PCDHGC5: variants seen among roughly 807,000 people sequenced by gnomAD.
PCDHGC5 encodes the protein protocadherin gamma subfamily C, 5, also known as protocadherin gamma-C5.
PCDHGC5 carries 25 observed loss-of-function variants against 59.0 expected under a neutral mutation model. The ratio of observed to expected loss-of-function variants is 0.42; its 90% CI spans 0.31 to 0.59. PCDHGC5 has a LOEUF of 0.59. Among genes scored for constraint, PCDHGC5 ranks in the 20% least tolerant of loss-of-function variants. PCDHGC5 has a pLI of 0.13. For missense variants in PCDHGC5, 1,067 were observed against 1,206.4 expected (o/e 0.88, Z 1.71); for synonymous variants, 434 against 505.5 (o/e 0.86, Z 1.90).
At chr5:141,495,591 C>G (rs2099762279) in intron 2 of PCDHGC5, among the ~76,000 whole-genome samples, 3 of 152,222 alleles carry the variant, frequency 2.0e-5, no homozygotes, top group African/African-American at 7.2e-5. Context: ...CCATCTCTGT[C>G]TTAGCTTCCG....
intron 3 of PCDHGC5, 61 bp downstream of exon 3, chr5:141,505,542 A>C: frequency 2.6e-5 from 42 of 1,604,950 alleles, no homozygotes; most frequent in Non-Finnish European, 3.2e-5. Flanking sequence ...GGTGCATCTC[A>C]CAGCCACCAT....
chr5:141,497,649 C>T (rs973501351), intron 2 of PCDHGC5, among the ~76,000 whole-genome samples: 1 of 151,784 alleles, frequency 6.6e-6, no homozygotes, highest in Non-Finnish European at 1.5e-5. Context: ...AAGCGATTCT[C>T]CTGCCTCAGC....
rs376494807 is a variant in PCDHGC5 at position 141,491,836 on chromosome 5, G to A, written c.2460+136G>A. 4.2e-5 allele frequency: 62 copies of A among 1,472,880 alleles called. No homozygotes were observed. The highest frequency in any genetic ancestry group is 3.6e-4 in the Middle Eastern group (2 of 5,606). 91.2% of individuals were successfully genotyped at this position (1,472,880 alleles called of 1,614,324 possible). A position where few individuals can be genotyped will look rare whatever the true frequency, so the allele number is the denominator to read the frequency against. On this transcript the variant is annotated intron_variant, in intron 1 of 3. Coordinates refer to ENST00000252087, the MANE Select transcript of PCDHGC5 (RefSeq NM_018929.3). This position sits in a 1 kb window ranked among gnomAD's most constrained non-coding sequence, Gnocchi z 6.9. ...CTGGCTGCGCTCCACCCGATTCTCG[G>A]GATCATTGGACCGTTTGCGCGAAAC...
At chr5:141,499,438 G>A (rs2154592492) in intron 2 of PCDHGC5, among the ~76,000 whole-genome samples, 1 of 152,158 alleles carries the variant, frequency 6.6e-6, no homozygotes, top group Admixed American at 6.5e-5. Context: ...AAAATTAAAA[G>A]GAAAACCACC....
At position 141,490,908 on chromosome 5, in the gene PCDHGC5, C is replaced by A; in HGVS notation, c.1668C>A (p.Asp556Glu). The change falls in exon 1 of 4, where the codon GAC becomes GAA. Residue 556 changes from aspartate (D) to glutamate (E), a missense_variant. Physicochemically the swap from Asp to Glu is conservative, Grantham distance 45. Coordinates refer to ENST00000252087, the MANE Select transcript of PCDHGC5 (RefSeq NM_018929.3). The surrounding 1 kb of genome is among the most constrained non-coding windows in gnomAD (Gnocchi z 5.4). The stretch of plus-strand genomic sequence containing the variant: ...CATCTCTGCATGTGTTTGTCCTAGA[C>A]GAGAATGATAATGCCCCAGCTGTGC... Reference protein sequence around the residue: ...ANTSLHVFVLDENDNAPAVLH... With the variant: ...ANTSLHVFVLEENDNAPAVLH... The A allele has an allele frequency of 6.2e-7, 1 of 1,613,710 alleles. No homozygotes were observed. Among genetic ancestry groups the A allele is most frequent in the Non-Finnish European group, 8.5e-7 (1 of 1,179,754 alleles).
chr5:141,508,540 G>A (rs993826709), intron 3 of PCDHGC5, among the ~76,000 whole-genome samples: 3 of 152,144 alleles, frequency 2.0e-5, no homozygotes, highest in African/African-American at 4.8e-5. Flanking sequence ...CCCCCCACGA[G>A]GTGGGCGGGG....
At chr5:141,504,529 G>A (rs1333393859) in intron 2 of PCDHGC5, among the ~76,000 whole-genome samples, 1 of 151,900 alleles carries the variant, frequency 6.6e-6, no homozygotes, top group African/African-American at 2.4e-5. Context: ...TATTTTATTC[G>A]TGTCATCATG....
chr5:141,490,149 T>C lies in PCDHGC5; in HGVS notation c.909T>C (p.His303=). The C allele has an allele frequency of 1.9e-6, 3 of 1,614,188 alleles. No individual in the cohort carries two copies. The highest frequency in any genetic ancestry group is 2.7e-5 in the African/African-American group (2 of 75,050). Residue 303 remains histidine (H), a synonymous_variant, in exon 1 of 4, where the codon CAT becomes CAC. Coordinates refer to ENST00000252087, the MANE Select transcript of PCDHGC5 (RefSeq NM_018929.3). This position sits in a 1 kb window ranked among gnomAD's most constrained non-coding sequence, Gnocchi z 5.4. ...TAGACCCTAGCAGTGGGGCAATCCA[T>C]GTGTTGGGTCCCATAGACTTTGAGG... is the stretch of plus-strand genomic sequence containing the variant. The part of the protein sequence containing the change: ...FGLDPSSGAI[H]VLGPIDFEES...
At chr5:141,504,269 A>T (rs7715517) in intron 2 of PCDHGC5, among the ~76,000 whole-genome samples, 3,100 of 152,246 alleles carry the variant, frequency 0.02, 113 homozygotes, top group African/African-American at 0.07. Context: ...GTATTTTTTT[A>T]AATTATGAAT....
At position 141,511,648 on chromosome 5, in the gene PCDHGC5, G is replaced by T. The variant is rs553080689; in HGVS notation, c.*475G>T. The T allele has an allele frequency of 1.4e-5, 3 of 214,700 alleles. No homozygotes were observed. Among genetic ancestry groups the T allele is most frequent in the East Asian group, 2.1e-4 (2 of 9,414 alleles). The allele number at this position is 214,700 out of a possible 1,614,324, so 13.3% of individuals were successfully genotyped here. A position where few individuals can be genotyped will look rare whatever the true frequency, so the allele number is the denominator to read the frequency against. On this transcript the variant is annotated 3_prime_UTR_variant, in exon 4 of 4. Coordinates refer to ENST00000252087, the MANE Select transcript of PCDHGC5 (RefSeq NM_018929.3). ...AGTTGGAAGGGCATCATGACCTCTTGGCCTCTCCTTTGATTCTCAATCTTC... is the reference window on the plus strand; with the variant it reads ...AGTTGGAAGGGCATCATGACCTCTTTGCCTCTCCTTTGATTCTCAATCTTC...
intron 2 of PCDHGC5, among the ~76,000 whole-genome samples, chr5:141,498,971 G>GGGAAGGAAGGAAGGAAGGAAGGAAGGAA (rs201769957): frequency 9.0e-6 from 1 of 110,972 alleles, no homozygotes; most frequent in Non-Finnish European, 1.8e-5. Flanking sequence ...GAGGGAGGGA[G>GGGAAGGAAGGAAGGAAGGAAGGAAGGAA]GGAAGGAAGG....
chr5:141,511,118 C>T lies in PCDHGC5; in HGVS notation c.2780C>T (p.Ala927Val), dbSNP rs1352222210. 1.2e-6 allele frequency: 2 copies of T among 1,614,094 alleles called. No individual in the cohort carries two copies. The highest frequency in any genetic ancestry group is 1.7e-6 in the Non-Finnish European group (2 of 1,180,022). The change falls in exon 4 of 4, where the codon GCC (alanine) becomes GTC (valine). Residue 927 changes from alanine to valine, a missense_variant. Coordinates refer to ENST00000252087, the MANE Select transcript of PCDHGC5 (RefSeq NM_018929.3). ...GCAGCTGGCAAGCGGGATGGCAAGG[C>T]CCCAGCAGGTGGCAATGGCAACAAG... is the stretch of plus-strand genomic sequence containing the variant. ...TNAAGKRDGK[A>V]PAGGNGNKKK... is the part of the protein sequence containing the mutation.
rs764957747 is a variant in PCDHGC5, at chr5:141,505,453, G to A, written c.2580G>A (p.Leu860=). Residue 860 remains leucine (L), a synonymous_variant, in exon 3 of 4, where the codon CTG becomes CTA. Coordinates refer to ENST00000252087, the MANE Select transcript of PCDHGC5 (RefSeq NM_018929.3). ...ACAACCAGTTTGACACAGAGATGCT[G>A]CAAGCCATGATCTTGGCGTCCGCCA... ...WPNNQFDTEM[L]QAMILASASE... 3 of 1,614,190 alleles carry A rather than the reference G, an allele frequency of 1.9e-6. No individual in the cohort carries two copies. Among genetic ancestry groups the A allele is most frequent in the Non-Finnish European group, 2.5e-6 (3 of 1,180,012 alleles).
chr5:141,494,923 G>A lies in PCDHGC5; in HGVS notation c.2519+58G>A, dbSNP rs572227346. Reference sequence around the variant, plus strand: ...TCTGCGGCATTTTCTCAGGGATGACGTGGGAGGAGATGGGGGAGGGCCCAG... The same window carrying A: ...TCTGCGGCATTTTCTCAGGGATGACATGGGAGGAGATGGGGGAGGGCCCAG... On this transcript the variant is annotated intron_variant, in intron 2 of 3. Coordinates refer to ENST00000252087, the MANE Select transcript of PCDHGC5 (RefSeq NM_018929.3). The A allele has an allele frequency of 8.9e-5, 143 of 1,613,698 alleles. 1 individual carries two copies. In the Middle Eastern group the frequency reaches 1.8e-3, roughly 20 times the overall value.
intron 3 of PCDHGC5, among the ~76,000 whole-genome samples, chr5:141,510,584 C>T (rs2099881791): frequency 1.3e-5 from 2 of 152,184 alleles, no homozygotes. Flanking sequence ...TTTTACGTAC[C>T]TGACATACAT....
At chr5:141,501,333 A>ACC (rs1554187333) in intron 2 of PCDHGC5, among the ~76,000 whole-genome samples, 192 of 140,118 alleles carry the variant, frequency 1.4e-3, no homozygotes, top group Admixed American at 5.6e-3. Flanking sequence ...ACACACACAC[A>ACC]CCCCAAACTC....
chr5:141,508,799 C>T (rs962590711), intron 3 of PCDHGC5, among the ~76,000 whole-genome samples: 1 of 152,110 alleles, frequency 6.6e-6, no homozygotes, highest in Non-Finnish European at 1.5e-5. Context: ...ACTCTGGAAT[C>T]CTGGCTCTTT....
chr5:141,491,233 G>T lies in PCDHGC5; in HGVS notation c.1993G>T (p.Val665Phe). 1 of 1,614,224 alleles carries T rather than the reference G, an allele frequency of 6.2e-7. No homozygotes were observed. The highest frequency in any genetic ancestry group is 2.2e-5 in the East Asian group (1 of 44,890). The change falls in exon 1 of 4, where the codon GTT (valine) becomes TTT (phenylalanine). Residue 665 changes from valine (V) to phenylalanine (F), a missense_variant. Transcript: ENST00000252087. The surrounding 1 kb of genome is among the most constrained non-coding windows in gnomAD (Gnocchi z 6.9). ...SLSSTATVLLVLEDEDPEEMP... is the reference protein window; with the variant it reads ...SLSSTATVLLFLEDEDPEEMP... ...CTCCTCCACAGCCACAGTGCTGCTG[G>T]TTCTGGAGGATGAGGACCCTGAGGA...
At chr5:141,502,534 C>T (rs565889110) in intron 2 of PCDHGC5, among the ~76,000 whole-genome samples, 10 of 152,074 alleles carry the variant, frequency 6.6e-5, no homozygotes, top group Non-Finnish European at 1.0e-4. Context: ...CGAGTTTGTT[C>T]GTGTGGTAAA....
Sources: gnomAD v4.1 joint callset for allele counts (sites outside exome capture counted in the v4.1 genomes callset) on GRCh38, gnomAD v4.1.1 for gene constraint, Gnocchi (gnomAD v3.1) non-coding constraint, MANE v1.5 for transcripts, NCBI Gene and HGNC (gene_info 2026-07-23, HGNC 2026-07-21) for gene names.